TBX20: variants seen among roughly 807,000 people sequenced by gnomAD.
The protein encoded by TBX20 is T-box transcription factor 20.
A neutral mutation model predicts 42.9 loss-of-function variants in TBX20; 8 were observed. The ratio of observed to expected loss-of-function variants is 0.19; its 90% CI spans 0.11 to 0.34. TBX20 has a LOEUF of 0.34. TBX20 is among the 10% of genes least tolerant of loss of function. The probability of loss-of-function intolerance (pLI) is 1.00; values close to 1 mark genes in which losing one functional copy is unlikely to be tolerated. For missense variants in TBX20, 411 were observed against 566.0 expected (o/e 0.73, Z 2.78); for synonymous variants, 198 against 222.8 (o/e 0.89, Z 0.99).
chr7:35,222,267 T>C (rs1047560688), intron 6 of TBX20, among the ~76,000 whole-genome samples: 20 of 152,126 alleles, frequency 1.3e-4, no homozygotes, highest in African/African-American at 4.6e-4. Context: ...AAAATACATA[T>C]ATAGCCCATT....
chr7:35,247,990 C>G (rs1175423034), intron 3 of TBX20, among the ~76,000 whole-genome samples: 1 of 152,058 alleles, frequency 6.6e-6, no homozygotes, highest in Non-Finnish European at 1.5e-5. Flanking sequence ...AAGGATGGTA[C>G]TCCTGGAAAA....
intron 6 of TBX20, among the ~76,000 whole-genome samples, chr7:35,204,820 C>T (rs1248990794): frequency 1.3e-5 from 2 of 151,990 alleles, no homozygotes; most frequent in Non-Finnish European, 2.9e-5. Context: ...AAGGACAATC[C>T]CCTGAAATAC....
chr7:35,218,583 ATTT>A (rs985389642), intron 6 of TBX20, among the ~76,000 whole-genome samples: 4 of 151,908 alleles, frequency 2.6e-5, no homozygotes, highest in African/African-American at 9.7e-5. Context: ...TGTTTTTACT[ATTT>A]TTTTAATATG....
At chr7:35,248,925 G>GGGAA in intron 2 of TBX20, 84 bp from the exon 3 acceptor site, 1 of 1,543,926 alleles carries the variant, frequency 6.5e-7, no homozygotes, top group Non-Finnish European at 8.9e-7. Flanking sequence ...AAGGGAGGGA[G>GGGAA]GGAAGGAGGG....
At chr7:35,212,364 A>G (rs1185033414) in intron 6 of TBX20, among the ~76,000 whole-genome samples, 5 of 152,170 alleles carry the variant, frequency 3.3e-5, no homozygotes, top group African/African-American at 4.8e-5. Context: ...ATTAATTAGA[A>G]TATCTATGTG....
intron 5 of TBX20, among the ~76,000 whole-genome samples, chr7:35,232,180 A>G (rs1789878653): frequency 6.6e-6 from 1 of 152,160 alleles, no homozygotes; most frequent in Non-Finnish European, 1.5e-5. Context: ...ATCAGAATCA[A>G]ATTAGTCCAT....
intron 5 of TBX20, among the ~76,000 whole-genome samples, chr7:35,231,947 T>C (rs1789874540): frequency 6.6e-6 from 1 of 152,156 alleles, no homozygotes; most frequent in African/African-American, 2.4e-5. Flanking sequence ...ATGGGAGAAT[T>C]ATGCAGAATT....
intron 3 of TBX20, among the ~76,000 whole-genome samples, chr7:35,246,458 G>A (rs577867821): frequency 5.9e-5 from 9 of 152,242 alleles, no homozygotes; most frequent in African/African-American, 1.4e-4. Flanking sequence ...TCCTAAAGTT[G>A]ATGAAATGTT....
Position 35,253,664 on chromosome 7 carries a change from C to T in TBX20, c.-44G>A. 5.6e-6 allele frequency: 9 copies of T among 1,599,056 alleles called. No individual in the cohort carries two copies. Among genetic ancestry groups the T allele is most frequent in the Non-Finnish European group, 7.7e-6 (9 of 1,174,218 alleles). On this transcript the variant is annotated 5_prime_UTR_variant, in exon 1 of 8. Transcript: ENST00000408931. The stretch of plus-strand genomic sequence containing the variant: ...CTGGCCAGGGACGGGGTCGTCCGAA[C>T]TGCCGTCCAGATTCCCCAAGGGAGA...
In TBX20 at chr7:35,214,956, G is replaced by A. The variant is rs565322405; in HGVS notation, c.891-10374C>T. Among the ~76,000 whole-genome samples the A allele has an allele frequency of 9.8e-4, 149 of 152,158 alleles. No homozygotes were observed. The Middle Eastern group carries it at 0.017, about 17-fold the overall frequency. On this transcript the variant is annotated intron_variant, in intron 6 of 7. Coordinates refer to ENST00000408931, the MANE Select transcript of TBX20 (RefSeq NM_001077653.2). ...AGGTGTATTCCTCTTCCCACAAATT[G>A]CACATAACTGCTAAATTCATGCACT...
At chr7:35,248,575 C>T (rs1790238563) in intron 3 of TBX20, 102 bp downstream of exon 3, 2 of 1,316,090 alleles carry the variant, frequency 1.5e-6, no homozygotes, top group Non-Finnish European at 1.1e-6. Context: ...CTTGCCAGAG[C>T]CCGCTGCTTT....
intron 4 of TBX20, among the ~76,000 whole-genome samples, chr7:35,242,952 C>G (rs1221280305): frequency 6.6e-6 from 1 of 152,146 alleles, no homozygotes; most frequent in Non-Finnish European, 1.5e-5. Flanking sequence ...TCAGAACACA[C>G]TAATTCTGGT....
intron 6 of TBX20, among the ~76,000 whole-genome samples, chr7:35,217,628 G>GA (rs75946921): frequency 2.0e-5 from 3 of 151,950 alleles, no homozygotes; most frequent in South Asian, 4.1e-4. Context: ...TCTATAATTT[G>GA]AAAAAAATTA....
chr7:35,251,897 GTTCT>G (rs1261182699), intron 1 of TBX20, among the ~76,000 whole-genome samples: 1 of 152,190 alleles, frequency 6.6e-6, no homozygotes, highest in African/African-American at 2.4e-5. Context: ...ACGCCTGCTA[GTTCT>G]TTCAGAGCCC....
chr7:35,203,248 T>C (rs980335442), intron 7 of TBX20, among the ~76,000 whole-genome samples: 4 of 152,144 alleles, frequency 2.6e-5, no homozygotes, highest in African/African-American at 9.7e-5. Context: ...TGACAATGAA[T>C]TTTCTGACTG....
At chr7:35,222,012 G>A (rs557571208) in intron 6 of TBX20, among the ~76,000 whole-genome samples, 52 of 152,144 alleles carry the variant, frequency 3.4e-4, no homozygotes, top group African/African-American at 1.1e-3. Context: ...TTAATTCTTG[G>A]CAAAAAATTG....
chr7:35,243,633 C>T (rs1790124122), intron 4 of TBX20, among the ~76,000 whole-genome samples: 1 of 151,500 alleles, frequency 6.6e-6, no homozygotes, highest in Admixed American at 6.6e-5. Context: ...CACTGACCTA[C>T]AAAAAAATCA....
intron 4 of TBX20, among the ~76,000 whole-genome samples, chr7:35,243,290 A>C (rs1255381191): frequency 1.3e-5 from 2 of 152,146 alleles, no homozygotes; most frequent in Non-Finnish European, 2.9e-5. Context: ...TGGCCAGTAT[A>C]AAAGTTTTAA....
rs552408839 is a variant in TBX20, at chr7:35,217,305, C to T, written c.891-12723G>A. Reference sequence around the variant, plus strand: ...ATGCTTAGTTTTCTAAGTTGTATGGCTGTGACAACCATATAAAAAATTCTG... The same window carrying T: ...ATGCTTAGTTTTCTAAGTTGTATGGTTGTGACAACCATATAAAAAATTCTG... On this transcript the variant is annotated intron_variant, in intron 6 of 7. Transcript: ENST00000408931. Among the ~76,000 whole-genome samples, 817 of 152,166 alleles carry T rather than the reference C, an allele frequency of 5.4e-3. 11 individuals are homozygous for T. The highest frequency in any genetic ancestry group is 0.019 in the African/African-American group (781 of 41,520).
Sources: gnomAD v4.1 joint callset for allele counts (sites outside exome capture counted in the v4.1 genomes callset) on GRCh38, gnomAD v4.1.1 for gene constraint, MANE v1.5 for transcripts, NCBI Gene and HGNC (gene_info 2026-07-23, HGNC 2026-07-21) for gene names.